ZNF697: variants seen among roughly 807,000 people sequenced by gnomAD.
The protein encoded by ZNF697 is zinc finger protein 697.
ZNF697 carries 23 observed loss-of-function variants against 32.4 expected under a neutral mutation model. That is an observed-to-expected ratio of 0.71 (90% CI 0.51 to 1.01). The LOEUF is 1.01. Ranked by LOEUF, ZNF697 falls within the 50% of genes least tolerant of loss-of-function variation. The pLI is 0.00. For missense variants in ZNF697, 930 were observed against 794.0 expected (o/e 1.17, Z -2.06); for synonymous variants, 418 against 337.2 (o/e 1.24, Z -2.62).
chr1:119,640,736 C>T (rs1649045534), intron 1 of ZNF697, among the ~76,000 whole-genome samples: 1 of 152,070 alleles, frequency 6.6e-6, no homozygotes, highest in African/African-American at 2.4e-5. Flanking sequence ...AATTAAATGA[C>T]GAATGAAGAA....
intron 1 of ZNF697, among the ~76,000 whole-genome samples, chr1:119,645,225 A>G (rs1404782358): frequency 6.6e-6 from 1 of 152,208 alleles, no homozygotes; most frequent in African/African-American, 2.4e-5. Context: ...TATTTTCACA[A>G]TTGCAATGAA....
chr1:119,622,727 T>A lies in ZNF697; in HGVS notation c.1616A>T (p.His539Leu), dbSNP rs1173585334. ...GFRYKTHLAQ[H>L]QKLHLC is the part of the protein sequence containing the mutation. ...CCCCTAACACAGGTGCAGCTTCTGG[T>A]GCTGCGCGAGGTGCGTTTTATAGCG... Residue 539 changes from histidine (H) to leucine (L), a missense_variant, in exon 3 of 3, where the codon CAC becomes CTC. Transcript: ENST00000421812. 2 of 1,547,534 alleles carry A rather than the reference T, an allele frequency of 1.3e-6. No individual in the cohort carries two copies. The highest frequency in any genetic ancestry group is 8.7e-7 in the Non-Finnish European group (1 of 1,144,702).
rs1648337514 is a variant in ZNF697, at chr1:119,622,008, AC to A, written c.*696del. 1 of 152,654 alleles carries A rather than the reference AC, an allele frequency of 6.6e-6. No homozygotes were observed. The highest frequency in any genetic ancestry group is 2.1e-4 in the South Asian group (1 of 4,834). The allele number at this position is 152,654 out of a possible 1,614,324, so 9.5% of individuals were successfully genotyped here. On this transcript the variant is annotated 3_prime_UTR_variant, in exon 3 of 3. Transcript: ENST00000421812. ...AGTATTTTCAAGGAAGTAGCAAAGA[AC>A]CCGGGACAGAATCAGGATTTCCCAC...
intron 1 of ZNF697, among the ~76,000 whole-genome samples, chr1:119,639,138 T>G (rs1197032953): frequency 6.6e-5 from 10 of 152,240 alleles, no homozygotes; most frequent in Admixed American, 6.5e-4. Context: ...CCATTTCTGT[T>G]AAAGCCGTCT....
At position 119,623,297 on chromosome 1, in the gene ZNF697, G is replaced by GCCGCCGCC; in HGVS notation, c.1038_1045dup (p.Ala349GlyfsTer52). ...CTCCCCGCAGGCGAAGGGCCGCAGC[G>GCCGCCGCC]CCGCCGCCCCCGCGCCGCTGGCCGC... On this transcript the variant is annotated frameshift_variant, in exon 3 of 3. Transcript: ENST00000421812. LOFTEE classifies it high-confidence loss of function. 7.3e-7 allele frequency: 1 copy of GCCGCCGCC among 1,369,702 alleles called. No homozygotes were observed. The highest frequency in any genetic ancestry group is 9.4e-7 in the Non-Finnish European group (1 of 1,066,676). 84.8% of individuals were successfully genotyped at this position (1,369,702 alleles called of 1,614,324 possible).
rs922166049 is a variant in ZNF697 at position 119,623,810 on chromosome 1, T to A, written c.533A>T (p.Asp178Val). ...GTCCATGATGCTGGCCACCAGGCTATCCAGCTCCCCGAGGTCCACGGCCAT... is the reference window on the plus strand; with the variant it reads ...GTCCATGATGCTGGCCACCAGGCTAACCAGCTCCCCGAGGTCCACGGCCAT... ...HPMAVDLGEL[D>V]SLVASIMDAP... Residue 178 changes from aspartate (D) to valine (V), a missense_variant, in exon 3 of 3, where the codon GAT becomes GTT. Asp to Val is a radical substitution (Grantham distance 152). Coordinates refer to ENST00000421812, the MANE Select transcript of ZNF697 (RefSeq NM_001080470.2). 4 of 1,547,866 alleles carry A rather than the reference T, an allele frequency of 2.6e-6. No homozygotes were observed. The highest frequency in any genetic ancestry group is 3.5e-6 in the Non-Finnish European group (4 of 1,145,952).
chr1:119,623,943 C>G lies in ZNF697; in HGVS notation c.400G>C (p.Glu134Gln), dbSNP rs1456883743. ...AGENRLEEEE[E>Q]QPAPPVLPWR... ...GGAAGTACGGGAGGGGCCGGCTGCT[C>G]CTCTTCCTCCTCCAGCCGGTTCTCC... The change falls in exon 3 of 3, where the codon GAG becomes CAG. Residue 134 changes from glutamate (E) to glutamine (Q), a missense_variant. Physicochemically the swap from Glu to Gln is conservative, Grantham distance 29. Coordinates refer to ENST00000421812, the MANE Select transcript of ZNF697 (RefSeq NM_001080470.2). The G allele has an allele frequency of 6.3e-7, 1 of 1,597,526 alleles. No homozygotes were observed. The highest frequency in any genetic ancestry group is 8.5e-7 in the Non-Finnish European group (1 of 1,172,358).
Position 119,624,002 on chromosome 1 carries a change from C to G in ZNF697, c.341G>C (p.Arg114Pro). 6.2e-7 allele frequency: 1 copy of G among 1,612,708 alleles called. No homozygotes were observed. The highest frequency in any genetic ancestry group is 8.5e-7 in the Non-Finnish European group (1 of 1,179,414). ...CTCGTCGTCGTCCTCCCGGAGGCTC[C>G]GGGATATGCTGTCAGACTCAGACAG... The part of the protein sequence containing the change: ...PGLSESDSIS[R>P]SLREDDDESA... Residue 114 changes from arginine to proline, a missense_variant, in exon 3 of 3, where the codon CGG becomes CCG. Physicochemically the swap from Arg to Pro is moderately radical, Grantham distance 103. Transcript: ENST00000421812.
chr1:119,627,621 G>A (rs1570939858), intron 1 of ZNF697, among the ~76,000 whole-genome samples: 3 of 152,238 alleles, frequency 2.0e-5, no homozygotes, highest in East Asian at 3.9e-4. Flanking sequence ...TGTAATTTTG[G>A]CAGACTCATC....
intron 1 of ZNF697, among the ~76,000 whole-genome samples, chr1:119,632,453 G>A (rs1221450197): frequency 6.6e-6 from 1 of 152,206 alleles, no homozygotes; most frequent in African/African-American, 2.4e-5. Flanking sequence ...CTGCCTTGTG[G>A]TTACTGCTTT....
rs866419454 is a variant in ZNF697 at position 119,622,955 on chromosome 1, T to C, written c.1388A>G (p.Lys463Arg). The change falls in exon 3 of 3, where the codon AAG becomes AGG. Residue 463 changes from lysine (K) to arginine (R), a missense_variant. Coordinates refer to ENST00000421812, the MANE Select transcript of ZNF697 (RefSeq NM_001080470.2). ...VNHLRVHTGE[K>R]PFRCGQCEKR... ...CTCGCACTGGCCACAGCGGAAGGGC[T>C]TCTCGCCGGTGTGCACGCGCAGGTG... 3.7e-6 allele frequency: 6 copies of C among 1,603,696 alleles called. No homozygotes were observed. The Middle Eastern group carries it at 9.9e-4, about 266-fold the overall frequency.
Position 119,622,241 on chromosome 1 carries a change from A to C in ZNF697, c.*464T>G. On this transcript the variant is annotated 3_prime_UTR_variant, in exon 3 of 3. Transcript: ENST00000421812. ...GTGAGACAACAGGTGATGTGTGGAG[A>C]TCGGGCAAACTCTTGGTGGGACCAA... 6.5e-6 allele frequency: 1 copy of C among 152,878 alleles called. No homozygotes were observed. The highest frequency in any genetic ancestry group is 1.4e-5 in the Non-Finnish European group (1 of 68,988). The allele number at this position is 152,878 out of a possible 1,614,324, so 9.5% of individuals were successfully genotyped here. A position where few individuals can be genotyped will look rare whatever the true frequency, so the allele number is the denominator to read the frequency against.
chr1:119,622,436 TTCA>T lies in ZNF697; in HGVS notation c.*266_*268del, dbSNP rs1648360071. ...TCAAAGTGCCTGGTCCTCCAAGCTC[TTCA>T]CCCCCTACAGCGTGTATTTAAGGAA... On this transcript the variant is annotated 3_prime_UTR_variant, in exon 3 of 3. Transcript: ENST00000421812. The T allele has an allele frequency of 2.0e-6, 1 of 501,700 alleles. No individual in the cohort carries two copies. Among genetic ancestry groups the T allele is most frequent in the Admixed American group, 4.1e-5 (1 of 24,606 alleles). The allele number at this position is 501,700 out of a possible 1,614,324, so 31.1% of individuals were successfully genotyped here. A position where few individuals can be genotyped will look rare whatever the true frequency, so the allele number is the denominator to read the frequency against.
intron 1 of ZNF697, among the ~76,000 whole-genome samples, chr1:119,630,115 A>G (rs1648718590): frequency 6.6e-6 from 1 of 152,226 alleles, no homozygotes; most frequent in African/African-American, 2.4e-5. Flanking sequence ...AACTAATTCT[A>G]CATCTGGTTG....
At position 119,648,248 on chromosome 1, in the gene ZNF697, G is replaced by C. The variant is rs1443108882; in HGVS notation, c.-595C>G. Among the ~76,000 whole-genome samples the C allele has an allele frequency of 2.1e-5, 3 of 143,868 alleles. No individual in the cohort carries two copies. The highest frequency in any genetic ancestry group is 1.6e-5 in the Non-Finnish European group (1 of 62,786). 94.4% of individuals were successfully genotyped at this position (143,868 alleles called of 152,430 possible). ...TGGCTGGCTGGCTCGCTGGCTGGCTGCCCGGCTGACTCCTCACTGGGGCTT... is the reference window on the plus strand; with the variant it reads ...TGGCTGGCTGGCTCGCTGGCTGGCTCCCCGGCTGACTCCTCACTGGGGCTT... On this transcript the variant is annotated 5_prime_UTR_variant, in exon 1 of 3. Transcript: ENST00000421812.
intron 1 of ZNF697, among the ~76,000 whole-genome samples, chr1:119,634,126 AC>A (rs1349790875): frequency 6.6e-6 from 1 of 152,226 alleles, no homozygotes; most frequent in East Asian, 1.9e-4. Context: ...GGGCCAGGTG[AC>A]CTCAGGAAGT....
chr1:119,621,747 T>G lies in ZNF697; in HGVS notation c.*958A>C, dbSNP rs1648319046. On this transcript the variant is annotated 3_prime_UTR_variant, in exon 3 of 3. Transcript: ENST00000421812. ...AAGGCCAGCAAAACTCTGAGCTAGT[T>G]GACTTTTTAGCAGGTCACTGGGCAA... 1.3e-5 allele frequency: 2 copies of G among 152,228 alleles called. No individual in the cohort carries two copies. Among genetic ancestry groups the G allele is most frequent in the Admixed American group, 1.3e-4 (2 of 15,282 alleles). The allele number at this position is 152,228 out of a possible 1,614,324, so 9.4% of individuals were successfully genotyped here. A position where few individuals can be genotyped will look rare whatever the true frequency, so the allele number is the denominator to read the frequency against.
chr1:119,623,463 A>T lies in ZNF697; in HGVS notation c.880T>A (p.Cys294Ser). 2.6e-6 allele frequency: 4 copies of T among 1,561,796 alleles called. No homozygotes were observed. Among genetic ancestry groups the T allele is most frequent in the Non-Finnish European group, 3.5e-6 (4 of 1,155,572 alleles). The change falls in exon 3 of 3, where the codon TGC becomes AGC. Residue 294 changes from cysteine to serine, a missense_variant. By Grantham distance (112) the Cys-to-Ser change is moderately radical. Coordinates refer to ENST00000421812, the MANE Select transcript of ZNF697 (RefSeq NM_001080470.2). Reference protein sequence around the residue: ...TGERPNLCADCGKSFSWRADL... With the variant: ...TGERPNLCADSGKSFSWRADL... ...GCGCGCCAGCTGAAGCTCTTGCCGC[A>T]GTCGGCGCACAGGTTGGGCCGCTCG...
intron 1 of ZNF697, among the ~76,000 whole-genome samples, 155 bp from the exon 2 acceptor site, chr1:119,626,292 G>A (rs2101081819): frequency 6.6e-6 from 1 of 152,342 alleles, no homozygotes. Context: ...AAACAAGTGA[G>A]TGCAAAGGAG....
Sources: allele counts gnomAD v4.1 joint callset (sites outside exome capture counted in the v4.1 genomes callset), GRCh38; gene constraint gnomAD v4.1.1; transcripts MANE v1.5; gene names NCBI Gene and HGNC (gene_info 2026-07-23, HGNC 2026-07-21).